The following TCERG1L variants were observed in gnomAD, a reference collection of about 807,000 sequenced individuals.
TCERG1L encodes transcription elongation regulator 1 like, also known as transcription elongation regulator 1-like protein.
In TCERG1L, 37 loss-of-function variants were observed where a neutral mutation model predicts 56.3. The ratio of observed to expected loss-of-function variants is 0.66; its 90% CI spans 0.51 to 0.87. The LOEUF (loss-of-function observed/expected upper bound fraction) is 0.87. Among genes scored for constraint, TCERG1L ranks in the 40% least tolerant of loss-of-function variants. The probability of loss-of-function intolerance (pLI) is 0.00; values close to 1 mark genes in which losing one functional copy is unlikely to be tolerated. For missense variants in TCERG1L, 799 were observed against 774.2 expected, an observed-to-expected ratio of 1.03 and a Z score of -0.38; for synonymous variants, 324 against 326.3, an observed-to-expected ratio of 0.99 and a Z score of 0.08.
At chr10:131,280,569 T>A (rs958816713) in intron 3 of TCERG1L, among the ~76,000 whole-genome samples, 2 of 152,204 alleles carry the variant, frequency 1.3e-5, no homozygotes, top group Admixed American at 1.3e-4. Context: ...TTGAATAGAA[T>A]GGGACGCAGG....
chr10:131,252,668 CAT>C (rs1846125128), intron 4 of TCERG1L, among the ~76,000 whole-genome samples: 1 of 152,210 alleles, frequency 6.6e-6, no homozygotes, highest in Non-Finnish European at 1.5e-5. Flanking sequence ...TCCTGAAACA[CAT>C]GTCACTCTCC....
rs1214283958 is a variant in TCERG1L at position 131,311,326 on chromosome 10, C to G, written c.310G>C (p.Ala104Pro). 1 of 1,203,112 alleles carries G rather than the reference C, an allele frequency of 8.3e-7. No homozygotes were observed. The highest frequency in any genetic ancestry group is 4.4e-5 in the Admixed American group (1 of 22,612). The allele number at this position is 1,203,112 out of a possible 1,614,324, so 74.5% of individuals were successfully genotyped here. The change falls in exon 1 of 12, where the codon GCC becomes CCC. Residue 104 changes from alanine (A) to proline (P), a missense_variant. Ala to Pro is a conservative substitution (Grantham distance 27, BLOSUM62 -1). Transcript: ENST00000368642. This position sits in a 1 kb window ranked among gnomAD's most constrained non-coding sequence, Gnocchi z 4.0. The part of the protein sequence containing the change: ...PSAPDSAAAA[A>P]AHPFPALHGQ... ...TGGAGCGCGGGGAAGGGGTGCGCGG[C>G]GGCGGCGGCGGCGGAGTCTGGCGCA...
At chr10:131,176,967 G>T (rs887402790) in intron 4 of TCERG1L, among the ~76,000 whole-genome samples, 26 of 49,680 alleles carry the variant, frequency 5.2e-4, no homozygotes, top group Admixed American at 3.8e-3. Context: ...TACACACAGA[G>T]ACACATGAAC....
intron 7 of TCERG1L, among the ~76,000 whole-genome samples, chr10:131,139,841 T>C (rs1845716412): frequency 6.6e-6 from 1 of 151,956 alleles, no homozygotes; most frequent in African/African-American, 2.4e-5. Flanking sequence ...TCTGTGTGTG[T>C]CTCTGTGTAT....
intron 3 of TCERG1L, among the ~76,000 whole-genome samples, chr10:131,264,116 C>T (rs1846261860): frequency 6.6e-6 from 1 of 151,588 alleles, no homozygotes; most frequent in African/African-American, 2.4e-5. Flanking sequence ...CCTCCCCCCA[C>T]ACCCCTTTCC....
At position 131,260,260 on chromosome 10, in the gene TCERG1L, T is replaced by C; in HGVS notation, c.855A>G (p.Ser285=). The change falls in exon 4 of 12, where the codon TCA becomes TCG. Residue 285 remains serine (S), a splice_region_variant and synonymous_variant. Transcript: ENST00000368642. The surrounding 1 kb of genome is among the most constrained non-coding windows in gnomAD (Gnocchi z 5.8). ...IKIPLRTSPV[S]DTRTERGRVA... is the part of the protein sequence containing the mutation. ...GTCGGGACGGCGCTCCGAGCCTACC[T>C]GAGACGGGGGACGTCCGGAGGGGTA... The C allele has an allele frequency of 7.3e-7, 1 of 1,361,076 alleles. No individual in the cohort carries two copies. Among genetic ancestry groups the C allele is most frequent in the Non-Finnish European group, 9.5e-7 (1 of 1,050,846 alleles). The allele number at this position is 1,361,076 out of a possible 1,614,324, so 84.3% of individuals were successfully genotyped here.
chr10:131,164,868 G>A (rs990671357), intron 5 of TCERG1L, among the ~76,000 whole-genome samples: 4 of 152,152 alleles, frequency 2.6e-5, no homozygotes, highest in Non-Finnish European at 2.9e-5. Context: ...AAGTCCTCGT[G>A]GGGAGCCGCC....
intron 11 of TCERG1L, 52 bp downstream of exon 11, chr10:131,098,254 A>G: frequency 6.5e-7 from 1 of 1,526,804 alleles, no homozygotes; most frequent in Non-Finnish European, 8.8e-7. Context: ...TCCTCTTGTC[A>G]TTGGTAAGTT....
chr10:131,108,310 T>C (rs1354684835), intron 9 of TCERG1L, among the ~76,000 whole-genome samples: 2 of 152,140 alleles, frequency 1.3e-5, no homozygotes, highest in Non-Finnish European at 2.9e-5. Context: ...GTGGGCTGCT[T>C]TCTGGGATTC....
intron 5 of TCERG1L, 129 bp from the exon 6 acceptor site, chr10:131,163,339 C>T (rs1845997525): frequency 2.9e-6 from 2 of 691,714 alleles, no homozygotes; most frequent in Admixed American, 3.4e-5. Context: ...AGATAATGAC[C>T]TCAGCACGGC....
At chr10:131,171,600 A>G (rs1846093277) in intron 4 of TCERG1L, among the ~76,000 whole-genome samples, 1 of 152,158 alleles carries the variant, frequency 6.6e-6, no homozygotes, top group Non-Finnish European at 1.5e-5. Context: ...TTATTTAGAG[A>G]CAGGGTCTCA....
Position 131,093,209 on chromosome 10 carries a change from TAAGAA to T in TCERG1L, c.1709_1713del (p.Ile570LysfsTer19). The T allele has an allele frequency of 6.2e-7, 1 of 1,613,970 alleles. No homozygotes were observed. The highest frequency in any genetic ancestry group is 1.1e-5 in the South Asian group (1 of 91,068). Reference sequence around the variant, plus strand: ...AGTCTGTTTTCCTTGTCCCGTTTCTTAAGAATAAGTATGAATTGGTTGAAAAAATG... The same window carrying T: ...AGTCTGTTTTCCTTGTCCCGTTTCTTTAAGTATGAATTGGTTGAAAAAATG... On this transcript the variant is annotated frameshift_variant, in exon 12 of 12. Coordinates refer to ENST00000368642, the MANE Select transcript of TCERG1L (RefSeq NM_174937.4). LOFTEE classifies it high-confidence loss of function.
intron 5 of TCERG1L, among the ~76,000 whole-genome samples, chr10:131,166,451 T>C (rs80087400): frequency 0.015 from 2,274 of 152,296 alleles, 54 homozygotes; most frequent in African/African-American, 0.052. Context: ...TTAGAATGAG[T>C]GTGTTGGCTC....
chr10:131,196,203 G>A (rs925179061), intron 4 of TCERG1L, among the ~76,000 whole-genome samples: 2 of 152,220 alleles, frequency 1.3e-5, no homozygotes, highest in African/African-American at 4.8e-5. Context: ...AGATGAGATC[G>A]GACTTCCGCC....
At chr10:131,132,503 G>C (rs1845628664) in intron 8 of TCERG1L, among the ~76,000 whole-genome samples, 1 of 152,238 alleles carries the variant, frequency 6.6e-6, no homozygotes, top group Non-Finnish European at 1.5e-5. Flanking sequence ...TGATGAGGCG[G>C]ACAGCCCAGC....
chr10:131,221,057 G>A (rs1205069329), intron 4 of TCERG1L, among the ~76,000 whole-genome samples: 1 of 152,182 alleles, frequency 6.6e-6, no homozygotes, highest in Non-Finnish European at 1.5e-5. Flanking sequence ...TGGTCACTGA[G>A]GCAGCCTCCC....
intron 4 of TCERG1L, among the ~76,000 whole-genome samples, chr10:131,221,746 C>T (rs757791493): frequency 3.9e-5 from 6 of 152,174 alleles, no homozygotes; most frequent in Admixed American, 2.6e-4. Flanking sequence ...CAGAGCACGT[C>T]GTAATCACAC....
chr10:131,205,456 A>G (rs1429920791), intron 4 of TCERG1L, among the ~76,000 whole-genome samples: 2 of 152,180 alleles, frequency 1.3e-5, no homozygotes, highest in Admixed American at 6.5e-5. Flanking sequence ...ATGAAACTAC[A>G]TTAGATGTGA....
chr10:131,119,974 T>C (rs573836804), intron 8 of TCERG1L, among the ~76,000 whole-genome samples: 1 of 152,134 alleles, frequency 6.6e-6, no homozygotes, highest in African/African-American at 2.4e-5. Context: ...CCAGGCTAGG[T>C]GCTCCTGAAA....
Sources: gnomAD v4.1 joint callset for allele counts (sites outside exome capture counted in the v4.1 genomes callset) on GRCh38, gnomAD v4.1.1 for gene constraint, Gnocchi (gnomAD v3.1) non-coding constraint, MANE v1.5 for transcripts, NCBI Gene and HGNC (gene_info 2026-07-23, HGNC 2026-07-21) for gene names.